The following MAP2K5 variants were observed in gnomAD, a reference collection of about 807,000 sequenced individuals.
MAP2K5 encodes dual specificity mitogen-activated protein kinase kinase 5.
A neutral mutation model predicts 83.1 loss-of-function variants in MAP2K5; 49 were observed. The ratio of observed to expected loss-of-function variants is 0.59; its 90% CI spans 0.47 to 0.75. The LOEUF (loss-of-function observed/expected upper bound fraction) is 0.75, where lower values mean the gene tolerates loss of function less well. Among genes scored for constraint, MAP2K5 ranks in the 30% least tolerant of loss-of-function variants. The pLI is 0.00. For synonymous variants in MAP2K5, 202 were observed against 191.8 expected (o/e 1.05, Z -0.44); for missense variants, 457 against 557.5 (o/e 0.82, Z 1.82).
At chr15:67,737,844 C>CTTTTTTTTT (rs35988425) in intron 17 of MAP2K5, among the ~76,000 whole-genome samples, 5 of 69,296 alleles carry the variant, frequency 7.2e-5, no homozygotes, top group Admixed American at 2.4e-4. Flanking sequence ...ATAGAATAGT[C>CTTTTTTTTT]TTTTTTTTTT....
At chr15:67,731,183 G>A (rs2089211593) in intron 17 of MAP2K5, among the ~76,000 whole-genome samples, 1 of 152,292 alleles carries the variant, frequency 6.6e-6, no homozygotes, top group Non-Finnish European at 1.5e-5. Flanking sequence ...AGGGTAAAGT[G>A]GGGAGGAGGG....
At chr15:67,649,978 C>T (rs1269962248) in intron 11 of MAP2K5, among the ~76,000 whole-genome samples, 1 of 152,312 alleles carries the variant, frequency 6.6e-6, no homozygotes, top group South Asian at 2.1e-4. Context: ...ACTCCGTGAA[C>T]ACAGATGTCT....
Position 67,624,638 on chromosome 15 carries a change from T to A in MAP2K5, c.546-6250T>A, listed in dbSNP as rs111659713. On this transcript the variant is annotated intron_variant, in intron 8 of 21. Transcript: ENST00000178640. ...GTGTGTGTGTGTGTGTGTGTGTGTG[T>A]GAGTGTGTTTGACGGAGTTTCGCTC... Among the ~76,000 whole-genome samples the A allele has an allele frequency of 6.6e-3, 729 of 110,176 alleles. 13 individuals are homozygous for A. The highest frequency in any genetic ancestry group is 0.022 in the African/African-American group (687 of 30,546). 72.3% of individuals were successfully genotyped at this position (110,176 alleles called of 152,430 possible).
chr15:67,628,919 TAATG>T, intron 8 of MAP2K5: 1 of 753,474 alleles, frequency 1.3e-6, no homozygotes, highest in Non-Finnish European at 2.4e-6. Flanking sequence ...GATTTAGTAA[TAATG>T]GAAGCAATTT....
intron 16 of MAP2K5, among the ~76,000 whole-genome samples, chr15:67,709,625 C>T (rs953738443): frequency 6.6e-6 from 1 of 152,174 alleles, no homozygotes; most frequent in Non-Finnish European, 1.5e-5. Context: ...CAGTTCAGTG[C>T]TTATCTCTTC....
intron 17 of MAP2K5, among the ~76,000 whole-genome samples, chr15:67,729,974 G>A (rs988304676): frequency 5.9e-5 from 9 of 152,194 alleles, no homozygotes; most frequent in African/African-American, 2.2e-4. Context: ...ACCAGAGTTG[G>A]GGCGGGAAAC....
At chr15:67,602,384 C>A (rs1047325924) in intron 8 of MAP2K5, among the ~76,000 whole-genome samples, 10 of 152,130 alleles carry the variant, frequency 6.6e-5, no homozygotes, top group African/African-American at 2.4e-4. Context: ...TATAATAAAA[C>A]AGGAAAGATT....
At chr15:67,606,849 G>A (rs2085788035) in intron 8 of MAP2K5, among the ~76,000 whole-genome samples, 1 of 152,162 alleles carries the variant, frequency 6.6e-6, no homozygotes, top group African/African-American at 2.4e-5. Context: ...TTCAAAACAT[G>A]GAATTCCTTA....
intron 15 of MAP2K5, among the ~76,000 whole-genome samples, chr15:67,697,735 T>C (rs938345987): frequency 2.0e-5 from 3 of 152,108 alleles, no homozygotes; most frequent in African/African-American, 7.2e-5. Flanking sequence ...ATTACCCAAA[T>C]ACAGCCAGCT....
rs770404451 is a variant in MAP2K5 at position 67,563,251 on chromosome 15, C to A, written c.185-32C>A. 6.2e-7 allele frequency: 1 copy of A among 1,601,830 alleles called. No homozygotes were observed. Among genetic ancestry groups the A allele is most frequent in the African/African-American group, 1.3e-5 (1 of 74,642 alleles). ...CCTTTGTGCATTAAACAAATGCACA[C>A]CTTATCATTTGCATTATGTGCTTTT... is the stretch of plus-strand genomic sequence containing the variant. On this transcript the variant is annotated intron_variant, in intron 2 of 21. Coordinates refer to ENST00000178640, the MANE Select transcript of MAP2K5 (RefSeq NM_145160.3). The surrounding 1 kb of genome is among the most constrained non-coding windows in gnomAD (Gnocchi z 4.5).
chr15:67,567,244 C>T (rs532603415), intron 3 of MAP2K5, among the ~76,000 whole-genome samples: 1 of 152,100 alleles, frequency 6.6e-6, no homozygotes, highest in South Asian at 2.1e-4. Flanking sequence ...TGTTAATCAA[C>T]AATCTGTTTT....
chr15:67,719,891 G>A lies in MAP2K5; in HGVS notation c.1045-8025G>A, dbSNP rs1338826892. Among the ~76,000 whole-genome samples, 2 of 152,066 alleles carry A rather than the reference G, an allele frequency of 1.3e-5. No homozygotes were observed. Among genetic ancestry groups the A allele is most frequent in the African/African-American group, 4.8e-5 (2 of 41,398 alleles). ...GTCTCTTTAACTCAGAGTCTCTCAC[G>A]AATTTCCTCTCAGTGCACAGAATAC... On this transcript the variant is annotated intron_variant, in intron 16 of 21. Coordinates refer to ENST00000178640, the MANE Select transcript of MAP2K5 (RefSeq NM_145160.3). The surrounding 1 kb of genome is among the most constrained non-coding windows in gnomAD (Gnocchi z 4.6).
intron 17 of MAP2K5, among the ~76,000 whole-genome samples, chr15:67,741,897 CTTTT>C (rs58351164): frequency 6.9e-6 from 1 of 144,764 alleles, no homozygotes; most frequent in Admixed American, 6.9e-5. Flanking sequence ...TAAGAAAGAA[CTTTT>C]TTTTTTTTTT....
chr15:67,692,472 T>C lies in MAP2K5; in HGVS notation c.848-7T>C, dbSNP rs748050288. On this transcript the variant is annotated splice_region_variant and splice_polypyrimidine_tract_variant and intron_variant, in intron 13 of 21. Transcript: ENST00000178640. ...TAGTTACATGGCCTTTTCTGGTCCC[T>C]TTTTAGACGTGAAGCCCTCCAATAT... is the stretch of plus-strand genomic sequence containing the variant. The C allele has an allele frequency of 6.2e-7, 1 of 1,608,894 alleles. No homozygotes were observed. Among genetic ancestry groups the C allele is most frequent in the South Asian group, 1.1e-5 (1 of 90,768 alleles).
chr15:67,702,891 C>G lies in MAP2K5; in HGVS notation c.973-446C>G, dbSNP rs967386237. On this transcript the variant is annotated intron_variant, in intron 15 of 21. Transcript: ENST00000178640. The surrounding 1 kb of genome is among the most constrained non-coding windows in gnomAD (Gnocchi z 4.6). The stretch of plus-strand genomic sequence containing the variant: ...TTTCAAATAAAAAATTAAAAGAAAC[C>G]CTCCTGTTCCAGACCAATCTATCAA... 4.6e-5 allele frequency among the ~76,000 whole-genome samples: 7 copies of G among 151,976 alleles called. No individual in the cohort carries two copies. The highest frequency in any genetic ancestry group is 1.7e-4 in the African/African-American group (7 of 41,354).
chr15:67,642,297 A>G, intron 9 of MAP2K5: 2 of 574,032 alleles, frequency 3.5e-6, no homozygotes, highest in Non-Finnish European at 6.0e-6. Flanking sequence ...ATCACTTACT[A>G]GGCACTACTG....
At chr15:67,762,200 G>A (rs1263851086) in intron 19 of MAP2K5, among the ~76,000 whole-genome samples, 1 of 152,154 alleles carries the variant, frequency 6.6e-6, no homozygotes, top group African/African-American at 2.4e-5. Context: ...GGACAATAAC[G>A]GGTTTTACTT....
chr15:67,589,106 A>G (rs1266135853), intron 6 of MAP2K5, among the ~76,000 whole-genome samples: 1 of 152,180 alleles, frequency 6.6e-6, no homozygotes, highest in East Asian at 1.9e-4. Context: ...GGCCTCCCAA[A>G]GGGTTGTGAT....
chr15:67,696,592 T>A (rs1418591332), intron 15 of MAP2K5, among the ~76,000 whole-genome samples: 1 of 152,148 alleles, frequency 6.6e-6, no homozygotes, highest in East Asian at 1.9e-4. Context: ...ATAATGTAGA[T>A]AAGACTTGGG....
Sources: gnomAD v4.1 joint callset for allele counts (sites outside exome capture counted in the v4.1 genomes callset) on GRCh38, gnomAD v4.1.1 for gene constraint, Gnocchi (gnomAD v3.1) non-coding constraint, MANE v1.5 for transcripts, NCBI Gene and HGNC (gene_info 2026-07-23, HGNC 2026-07-21) for gene names.